Variants in DST observed in about 807,000 individuals in gnomAD.
DST encodes the protein dystonin.
In DST, 253 loss-of-function variants were observed where a neutral mutation model predicts 875.2. The ratio of observed to expected loss-of-function variants is 0.29; its 90% CI spans 0.26 to 0.32. DST has a LOEUF of 0.32. Among genes scored for constraint, DST ranks in the 10% least tolerant of loss-of-function variants. The pLI, the probability that DST is intolerant of heterozygous loss-of-function variation, is 1.00. For synonymous variants in DST, 3,124 were observed against 3,197.1 expected (o/e 0.98, Z 0.77); for missense variants, 8,287 against 9,111.6 (o/e 0.91, Z 3.68).
intron 4 of DST, chr6:56,851,059 C>T (rs1764962882): frequency 3.6e-6 from 1 of 274,440 alleles, no homozygotes; most frequent in Non-Finnish European, 6.9e-6. Context: ...CGCAAATATA[C>T]TAGCAATCAC....
intron 71 of DST, among the ~76,000 whole-genome samples, chr6:56,516,141 G>A (rs1301636627): frequency 6.8e-6 from 1 of 147,860 alleles, no homozygotes; most frequent in East Asian, 2.0e-4. Flanking sequence ...GGGAGAGAGA[G>A]AGAGAGAAAG....
chr6:56,889,773 C>T (rs1439958946), intron 3 of DST, among the ~76,000 whole-genome samples: 2 of 152,136 alleles, frequency 1.3e-5, no homozygotes, highest in Admixed American at 1.3e-4. Flanking sequence ...GAAAGTTGTA[C>T]ATTAACAGGT....
rs1295936339 is a variant in DST, at chr6:56,645,931, T to A, written c.1713A>T (p.Lys571Asn). 4 of 1,613,748 alleles carry A rather than the reference T, an allele frequency of 2.5e-6. No homozygotes were observed. In the East Asian group the frequency reaches 8.9e-5, roughly 36 times the overall value. ...TGGCAATAATGAGTTTCCCCCACTC[T>A]TTTTCTATGTCATTTGGATGATAAC... ...LQGYHPNDIE[K>N]EWGKLIIAML... The change falls in exon 15 of 104, where the codon AAA becomes AAT. Residue 571 changes from lysine (K) to asparagine (N), a missense_variant. By Grantham distance (94) the Lys-to-Asn change is moderately conservative. Around this residue, in one of 10 missense-constraint regions of DST, gnomAD observed 1,160 missense variants for 1,424.3 expected, o/e 0.81. Transcript: ENST00000680361.
At chr6:56,623,858 AT>A (rs966739101) in intron 36 of DST, among the ~76,000 whole-genome samples, 34 of 152,206 alleles carry the variant, frequency 2.2e-4, no homozygotes, top group Admixed American at 2.0e-3. Flanking sequence ...TTCCTATATG[AT>A]TTTTAAATAT....
intron 4 of DST, among the ~76,000 whole-genome samples, chr6:56,755,790 T>G (rs1376150663): frequency 6.6e-6 from 1 of 152,248 alleles, no homozygotes; most frequent in Non-Finnish European, 1.5e-5. Flanking sequence ...AGAAATTCTA[T>G]AAAAAGACAG....
chr6:56,787,994 C>G (rs918438012), intron 4 of DST, among the ~76,000 whole-genome samples: 1 of 151,160 alleles, frequency 6.6e-6, no homozygotes, highest in Non-Finnish European at 1.5e-5. Flanking sequence ...GTGGCGGGCA[C>G]CTGTAATCCC....
intron 4 of DST, among the ~76,000 whole-genome samples, chr6:56,793,996 AAC>A (rs1237700984): frequency 6.6e-6 from 1 of 152,230 alleles, no homozygotes; most frequent in Non-Finnish European, 1.5e-5. Flanking sequence ...GGTTGAAACC[AAC>A]ACAGTGTTTA....
At chr6:56,916,776 T>TCACA (rs1179291069) in intron 2 of DST, among the ~76,000 whole-genome samples, 592 of 71,796 alleles carry the variant, frequency 8.2e-3, no homozygotes, top group South Asian at 0.025. Flanking sequence ...TCTCTCTCTC[T>TCACA]CTCACACACA....
At chr6:56,472,670 T>A (rs2152400176) in intron 93 of DST, among the ~76,000 whole-genome samples, 1 of 152,312 alleles carries the variant, frequency 6.6e-6, no homozygotes, top group East Asian at 1.9e-4. Flanking sequence ...CAGCAGGCAC[T>A]GGGCAGTCAC....
At chr6:56,780,663 C>T (rs2152990704) in intron 4 of DST, among the ~76,000 whole-genome samples, 1 of 151,572 alleles carries the variant, frequency 6.6e-6, no homozygotes, top group Non-Finnish European at 1.5e-5. Context: ...AAATTTTCTC[C>T]CATTTTGTAG....
chr6:56,643,352 A>C (rs1368526351), intron 15 of DST, among the ~76,000 whole-genome samples: 1 of 152,254 alleles, frequency 6.6e-6, no homozygotes, highest in Non-Finnish European at 1.5e-5. Flanking sequence ...CTTCCATTTT[A>C]ACCACCATGT....
At chr6:56,934,234 T>TAAA (rs1452287816) in intron 2 of DST, among the ~76,000 whole-genome samples, 1 of 151,982 alleles carries the variant, frequency 6.6e-6, no homozygotes, top group Admixed American at 6.6e-5. Context: ...GATGGGATGC[T>TAAA]AAAACAACAG....
intron 36 of DST, chr6:56,615,013 A>C: frequency 1.0e-6 from 1 of 997,646 alleles, no homozygotes; most frequent in Non-Finnish European, 1.2e-6. Flanking sequence ...TATGCAAAGA[A>C]GGTCACTATA....
chr6:56,467,076 T>G (rs904723593), intron 98 of DST: 1 of 152,200 alleles, frequency 6.6e-6, no homozygotes, highest in Non-Finnish European at 1.5e-5. Context: ...GAAATGATTT[T>G]ATACTTTAAA....
chr6:56,909,479 T>C (rs1797911064), intron 2 of DST, among the ~76,000 whole-genome samples: 1 of 152,224 alleles, frequency 6.6e-6, no homozygotes, highest in Non-Finnish European at 1.5e-5. Context: ...CCTGAATAAC[T>C]ACATGAAAGA....
At chr6:56,747,652 A>G (rs1271420960) in intron 4 of DST, among the ~76,000 whole-genome samples, 1 of 152,190 alleles carries the variant, frequency 6.6e-6, no homozygotes, top group Non-Finnish European at 1.5e-5. Flanking sequence ...AACCTTAAGA[A>G]ATTAGACTTT....
In DST at chr6:56,933,099, C is replaced by CT. The variant is rs556971077; in HGVS notation, c.216+20685dup. On this transcript the variant is annotated intron_variant, in intron 2 of 103. Transcript: ENST00000680361. ...GGAACTGAGGACTGATCTCTGACCA[C>CT]TTCTCTTTGCTGTAAATTTCTTCCT... Among the ~76,000 whole-genome samples the CT allele has an allele frequency of 1.4e-4, 22 of 152,230 alleles. No individual in the cohort carries two copies. In the South Asian group the frequency reaches 4.4e-3, roughly 30 times the overall value.
Position 56,565,463 on chromosome 6 carries a change from T to C in DST, c.14005+3006A>G, listed in dbSNP as rs1054780059. Among the ~76,000 whole-genome samples the C allele has an allele frequency of 5.1e-4, 77 of 152,196 alleles. 1 individual carries two copies. Among genetic ancestry groups the C allele is most frequent in the Non-Finnish European group, 1.6e-4 (11 of 68,028 alleles). On this transcript the variant is annotated intron_variant, in intron 55 of 103. Transcript: ENST00000680361. ...TTGTTTGGAATAGTTTCGGAAGGAA[T>C]GATACCAGCTCCTCTTTGTACCTCT...
At chr6:56,679,775 T>C (rs1011071246) in intron 9 of DST, among the ~76,000 whole-genome samples, 23 of 151,858 alleles carry the variant, frequency 1.5e-4, no homozygotes, top group African/African-American at 4.6e-4. Context: ...TCTCCAAAAA[T>C]AAAAATTCTT....
Sources: allele counts gnomAD v4.1 joint callset (sites outside exome capture counted in the v4.1 genomes callset), GRCh38; gene constraint gnomAD v4.1.1; regional missense constraint gnomAD v4.1.1; transcripts MANE v1.5; gene names NCBI Gene and HGNC (gene_info 2026-07-23, HGNC 2026-07-21).